Variants in TMPRSS11E observed in about 807,000 individuals in gnomAD.
The protein encoded by TMPRSS11E is transmembrane protease serine 11E.
A neutral mutation model predicts 48.1 loss-of-function variants in TMPRSS11E; 38 were observed. The observed-to-expected ratio is 0.79, with a 90% CI of 0.61 to 1.04. The LOEUF is 1.04. Among genes scored for constraint, TMPRSS11E ranks in the 50% least tolerant of loss-of-function variants. The pLI is 0.00. For synonymous variants in TMPRSS11E, 158 were observed against 171.9 expected (o/e 0.92, Z 0.63); for missense variants, 530 against 510.8 (o/e 1.04, Z -0.36).
At chr4:68,456,713 A>T (rs1344522932) in intron 1 of TMPRSS11E, among the ~76,000 whole-genome samples, 2 of 152,166 alleles carry the variant, frequency 1.3e-5, no homozygotes, top group African/African-American at 4.8e-5. Flanking sequence ...ACAAATATAT[A>T]GACCAATGGA....
rs1379000493 is a variant in TMPRSS11E, at chr4:68,468,913, A to G, written c.293A>G (p.Glu98Gly). ...KNAFYKSPLR[E>G]EFVKSQVIKF... ...GCATTTTATAAATCTCCATTAAGGG[A>G]AGAATTTGTCAAGTCTCAGGTTATC... is the stretch of plus-strand genomic sequence containing the variant. The change falls in exon 4 of 10, where the codon GAA becomes GGA. Residue 98 changes from glutamate to glycine, a missense_variant. Coordinates refer to ENST00000305363, the MANE Select transcript of TMPRSS11E (RefSeq NM_014058.4). The G allele has an allele frequency of 1.2e-6, 2 of 1,611,546 alleles. No individual in the cohort carries two copies. Among genetic ancestry groups the G allele is most frequent in the Non-Finnish European group, 1.7e-6 (2 of 1,177,938 alleles).
intron 9 of TMPRSS11E, among the ~76,000 whole-genome samples, chr4:68,481,449 C>T (rs959387618): frequency 6.6e-6 from 1 of 152,186 alleles, no homozygotes; most frequent in East Asian, 1.9e-4. Flanking sequence ...CTTTTCTCCA[C>T]AACCTCAACA....
At chr4:68,482,177 A>G (rs964215168) in intron 9 of TMPRSS11E, among the ~76,000 whole-genome samples, 1 of 68,724 alleles carries the variant, frequency 1.5e-5, no homozygotes, top group Admixed American at 1.7e-4. Flanking sequence ...TAGAGGTGCC[A>G]TACACTTTTA....
intron 1 of TMPRSS11E, among the ~76,000 whole-genome samples, chr4:68,453,652 A>C (rs1300216581): frequency 6.6e-6 from 1 of 151,984 alleles, no homozygotes; most frequent in Non-Finnish European, 1.5e-5. Flanking sequence ...CATTATGTGA[A>C]AGTGGCAATT....
At chr4:68,493,990 T>C (rs1341827350) in intron 9 of TMPRSS11E, among the ~76,000 whole-genome samples, 1 of 152,224 alleles carries the variant, frequency 6.6e-6, no homozygotes, top group East Asian at 1.9e-4. Context: ...AATTCTGAAA[T>C]TTGCTGATTT....
Position 68,496,680 on chromosome 4 carries a change from G to C in TMPRSS11E, c.1148G>C (p.Arg383Thr), listed in dbSNP as rs748579393. The C allele has an allele frequency of 3.7e-6, 6 of 1,613,498 alleles. No individual in the cohort carries two copies. Among genetic ancestry groups the C allele is most frequent in the Non-Finnish European group, 5.1e-6 (6 of 1,179,648 alleles). Reference sequence around the variant, plus strand: ...GGACCACTGGTTAGTTCAGATGCTAGAGATATCTGGTACCTTGCTGGAATA... The same window carrying C: ...GGACCACTGGTTAGTTCAGATGCTACAGATATCTGGTACCTTGCTGGAATA... ...SGGPLVSSDA[R>T]DIWYLAGIVS... The change falls in exon 10 of 10, where the codon AGA (arginine) becomes ACA (threonine). Residue 383 changes from arginine to threonine, a missense_variant. Physicochemically the swap from Arg to Thr is moderately conservative, Grantham distance 71 (BLOSUM62 -1). Coordinates refer to ENST00000305363, the MANE Select transcript of TMPRSS11E (RefSeq NM_014058.4).
At chr4:68,462,071 A>G (rs1560548933) in intron 2 of TMPRSS11E, 126 bp downstream of exon 2, 3 of 1,181,420 alleles carry the variant, frequency 2.5e-6, no homozygotes, top group Non-Finnish European at 3.6e-6. Flanking sequence ...GTACAAAGGG[A>G]TCTTTACCTG....
At chr4:68,481,525 A>G (rs1823866) in intron 9 of TMPRSS11E, among the ~76,000 whole-genome samples, 100,535 of 152,044 alleles carry the variant, frequency 0.66, 33,618 homozygotes, top group East Asian at 0.86. Flanking sequence ...GTATCTTATT[A>G]TGGTTTTTAA....
At chr4:68,480,937 T>TGGTTATTATGTTTTTGGTGGGA (rs1729382953) in intron 9 of TMPRSS11E, among the ~76,000 whole-genome samples, 1 of 152,188 alleles carries the variant, frequency 6.6e-6, no homozygotes, top group Non-Finnish European at 1.5e-5. Context: ...AGGTAGTTTT[T>TGGTTATTATGTTTTTGGTGGGA]GGTTCTCATC....
intron 5 of TMPRSS11E, 140 bp from the exon 6 acceptor site, chr4:68,474,583 T>C: frequency 2.5e-6 from 2 of 784,338 alleles, no homozygotes; most frequent in Non-Finnish European, 2.2e-6. Flanking sequence ...CCTATGTCTA[T>C]GACAAGCTAT....
At position 68,459,192 on chromosome 4, in the gene TMPRSS11E, T is replaced by C. The variant is rs866499964; in HGVS notation, c.12-2629T>C. Among the ~76,000 whole-genome samples the C allele has an allele frequency of 2.0e-5, 3 of 152,260 alleles. No individual in the cohort carries two copies. In the South Asian group the frequency reaches 6.2e-4, roughly 32 times the overall value. On this transcript the variant is annotated intron_variant, in intron 1 of 9. Transcript: ENST00000305363. ...CTACTTCTAGCCACTCAGGAGAGCA[T>C]GTCACTAAAATAGTTGTGAGTAATG...
At chr4:68,490,913 G>T (rs1010586320) in intron 9 of TMPRSS11E, among the ~76,000 whole-genome samples, 1 of 151,628 alleles carries the variant, frequency 6.6e-6, no homozygotes, top group Non-Finnish European at 1.5e-5. Context: ...CATGTGCCAC[G>T]ACACCTGACT....
chr4:68,479,064 A>G, intron 9 of TMPRSS11E, 73 bp downstream of exon 9: 1 of 1,569,138 alleles, frequency 6.4e-7, no homozygotes, highest in Non-Finnish European at 8.7e-7. Context: ...ATATATCTAC[A>G]GGAAGTTGCA....
chr4:68,482,167 T>TAGAGTGTTAGG (rs200589126), intron 9 of TMPRSS11E, among the ~76,000 whole-genome samples: 1 of 151,316 alleles, frequency 6.6e-6, no homozygotes, highest in Non-Finnish European at 1.5e-5. Flanking sequence ...GCAAGAGGGA[T>TAGAGTGTTAGG]AGAGGTGCCA....
rs569031433 is a variant in TMPRSS11E at position 68,474,402 on chromosome 4, G to A, written c.491-321G>A. ...CCCATGGAGGGGCTGTGGACTCTCT[G>A]CATCTTATTTACTGGTATAAAATCC... On this transcript the variant is annotated intron_variant, in intron 5 of 9. Coordinates refer to ENST00000305363, the MANE Select transcript of TMPRSS11E (RefSeq NM_014058.4). Among the ~76,000 whole-genome samples the A allele has an allele frequency of 6.0e-4, 91 of 152,198 alleles. 1 individual carries two copies. The South Asian group carries it at 0.018, about 30-fold the overall frequency.
chr4:68,454,576 T>G (rs1728578968), intron 1 of TMPRSS11E, among the ~76,000 whole-genome samples: 1 of 151,962 alleles, frequency 6.6e-6, no homozygotes, highest in Non-Finnish European at 1.5e-5. Flanking sequence ...GAAAACTCAC[T>G]TTTCATTTTG....
intron 1 of TMPRSS11E, among the ~76,000 whole-genome samples, chr4:68,450,478 C>T (rs1459543193): frequency 2.6e-5 from 4 of 151,616 alleles, no homozygotes; most frequent in South Asian, 2.1e-4. Flanking sequence ...ATATTGTCTA[C>T]CATGTGTAGG....
In TMPRSS11E at chr4:68,476,235, A is replaced by G. The variant is rs757165591; in HGVS notation, c.530-26A>G. On this transcript the variant is annotated intron_variant, in intron 6 of 9. Coordinates refer to ENST00000305363, the MANE Select transcript of TMPRSS11E (RefSeq NM_014058.4). ...CAACTGCTAATTAATGCACCCACCA[A>G]TGCACCCCCCCTCTCTCTTTTGCAG... The G allele has an allele frequency of 3.7e-6, 6 of 1,613,030 alleles. No individual in the cohort carries two copies. The African/African-American group carries it at 6.7e-5, about 18-fold the overall frequency.
chr4:68,473,844 A>C (rs1729139976), intron 5 of TMPRSS11E, among the ~76,000 whole-genome samples: 1 of 152,130 alleles, frequency 6.6e-6, no homozygotes. Flanking sequence ...CTAAATTGTA[A>C]ATTCTTCCTT....
Sources: allele counts gnomAD v4.1 joint callset (sites outside exome capture counted in the v4.1 genomes callset), GRCh38; gene constraint gnomAD v4.1.1; transcripts MANE v1.5; gene names NCBI Gene and HGNC (gene_info 2026-07-23, HGNC 2026-07-21).